CUL3: variants seen among roughly 807,000 people sequenced by gnomAD.
CUL3 encodes cullin-3.
CUL3 carries 19 observed loss-of-function variants against 89.1 expected under a neutral mutation model. That is an observed-to-expected ratio of 0.21 (90% CI 0.15 to 0.31). The LOEUF (loss-of-function observed/expected upper bound fraction) is 0.31, where lower values mean the gene tolerates loss of function less well. Among genes scored for constraint, CUL3 ranks in the 10% least tolerant of loss-of-function variants. CUL3 has a pLI of 1.00. For missense variants in CUL3, 469 were observed against 942.3 expected (o/e 0.50, Z 6.58); for synonymous variants, 351 against 308.4 (o/e 1.14, Z -1.45).
intron 1 of CUL3, among the ~76,000 whole-genome samples, chr2:224,558,492 C>T (rs1361380026): frequency 6.6e-6 from 1 of 152,140 alleles, no homozygotes; most frequent in Non-Finnish European, 1.5e-5. Context: ...CATATTCACA[C>T]ACCAACCGAC....
intron 14 of CUL3, chr2:224,478,808 T>A (rs370438335): frequency 2.0e-5 from 3 of 153,500 alleles, no homozygotes; most frequent in African/African-American, 2.4e-5. Flanking sequence ...GAGACAAGAG[T>A]ATGTACTGCC....
At chr2:224,551,528 A>G (rs1694518001) in intron 2 of CUL3, among the ~76,000 whole-genome samples, 1 of 143,816 alleles carries the variant, frequency 7.0e-6, no homozygotes, top group African/African-American at 2.6e-5. Flanking sequence ...TTTTTTGTAG[A>G]GACAAGGTCT....
rs746157098 is a variant in CUL3, at chr2:224,478,188, AAG to A, written c.2175+10_2175+11del. The A allele has an allele frequency of 3.4e-5, 54 of 1,602,088 alleles. 1 individual carries two copies. The highest frequency in any genetic ancestry group is 4.2e-5 in the Non-Finnish European group (49 of 1,173,358). On this transcript the variant is annotated intron_variant, in intron 15 of 15. Transcript: ENST00000264414. The stretch of plus-strand genomic sequence containing the variant: ...TTTTTTCTATATTAGCCCAGTAGTG[AAG>A]AGTCCTCACCTCCGCTACTAGAACA...
chr2:224,473,687 G>T lies in CUL3; in HGVS notation c.*558C>A, dbSNP rs115972743. On this transcript the variant is annotated 3_prime_UTR_variant, in exon 16 of 16. Transcript: ENST00000264414. ...TCATAAGGCTAGAAGATGAGTAAGT[G>T]CAAGTGGTAGAATACAGCATGCTCA... is the stretch of plus-strand genomic sequence containing the variant. The T allele has an allele frequency of 5.4e-6, 1 of 184,050 alleles. No individual in the cohort carries two copies. Among genetic ancestry groups the T allele is most frequent in the African/African-American group, 2.3e-5 (1 of 42,574 alleles). The allele number at this position is 184,050 out of a possible 1,614,324, so 11.4% of individuals were successfully genotyped here. A position where few individuals can be genotyped will look rare whatever the true frequency, so the allele number is the denominator to read the frequency against.
chr2:224,483,631 C>A (rs1691611330), intron 13 of CUL3, among the ~76,000 whole-genome samples: 1 of 152,144 alleles, frequency 6.6e-6, no homozygotes, highest in Admixed American at 6.5e-5. Flanking sequence ...CATGAACGTA[C>A]ACGAACACAT....
At chr2:224,559,463 A>AG (rs924523644) in intron 1 of CUL3, among the ~76,000 whole-genome samples, 1 of 151,988 alleles carries the variant, frequency 6.6e-6, no homozygotes, top group African/African-American at 2.4e-5. Context: ...AAAAAAAAAA[A>AG]AAAAAAAAAA....
intron 4 of CUL3, 97 bp from the exon 5 acceptor site, chr2:224,513,735 T>C (rs1692928070): frequency 2.5e-6 from 2 of 814,452 alleles, no homozygotes; most frequent in South Asian, 3.7e-5. Context: ...CTTCAGGACA[T>C]TTAACTCTTA....
Position 224,535,595 on chromosome 2 carries a change from G to T in CUL3, c.311C>A (p.Thr104Lys), listed in dbSNP as rs768929186. Residue 104 changes from threonine to lysine, a missense_variant, in exon 3 of 16, where the codon ACG becomes AAG. Thr to Lys is a moderately conservative substitution (Grantham distance 78). Coordinates refer to ENST00000264414, the MANE Select transcript of CUL3 (RefSeq NM_003590.5). ...ATGATCATTCCAAGCTTGATTTAGC[G>T]TTTGAAGAAAGTTGTTATTCAATGA... The part of the protein sequence containing the change: ...LNSLNNNFLQ[T>K]LNQAWNDHQT... 2 of 1,613,052 alleles carry T rather than the reference G, an allele frequency of 1.2e-6. No individual in the cohort carries two copies. Among genetic ancestry groups the T allele is most frequent in the Non-Finnish European group, 1.7e-6 (2 of 1,179,476 alleles).
intron 11 of CUL3, chr2:224,499,979 G>C (rs1012084534): frequency 1.3e-5 from 2 of 157,090 alleles, no homozygotes; most frequent in African/African-American, 4.8e-5. Flanking sequence ...GAGACTCTGA[G>C]TACTAGTGGG....
chr2:224,510,841 T>TAA (rs1185655311), intron 6 of CUL3, among the ~76,000 whole-genome samples: 2 of 152,234 alleles, frequency 1.3e-5, no homozygotes, highest in Non-Finnish European at 2.9e-5. Flanking sequence ...TTCTGTAACT[T>TAA]CAGTGTTCCC....
At position 224,503,817 on chromosome 2, in the gene CUL3, T is replaced by A; in HGVS notation, c.1212A>T (p.Thr404=). ...DKLKKGVKGL[T]EQEVETILDK... ...CCAATATTGTTTCTACTTCTTGTTCTGTTAGCTGCAAAATTAAGATGATGT... is the reference window on the plus strand; with the variant it reads ...CCAATATTGTTTCTACTTCTTGTTCAGTTAGCTGCAAAATTAAGATGATGT... Residue 404 remains threonine, a synonymous_variant, in exon 9 of 16, where the codon ACA becomes ACT. Transcript: ENST00000264414. 2 of 1,548,634 alleles carry A rather than the reference T, an allele frequency of 1.3e-6. No individual in the cohort carries two copies. Among genetic ancestry groups the A allele is most frequent in the Non-Finnish European group, 1.7e-6 (2 of 1,152,006 alleles).
At chr2:224,580,661 G>GCGA (rs1362350220) in intron 1 of CUL3, among the ~76,000 whole-genome samples, 1 of 152,002 alleles carries the variant, frequency 6.6e-6, no homozygotes, top group Non-Finnish European at 1.5e-5. Context: ...TCTAGCCTGG[G>GCGA]CGACAGAGCA....
At chr2:224,500,740 C>T (rs1168156615) in intron 10 of CUL3, among the ~76,000 whole-genome samples, 1 of 151,614 alleles carries the variant, frequency 6.6e-6, no homozygotes, top group Admixed American at 6.6e-5. Context: ...ATTCTCCTGC[C>T]TCAGCTTCCC....
At chr2:224,476,057 T>A (rs1321522360) in intron 15 of CUL3, among the ~76,000 whole-genome samples, 1 of 151,912 alleles carries the variant, frequency 6.6e-6, no homozygotes, top group African/African-American at 2.4e-5. Flanking sequence ...GGAGTCTCGC[T>A]CTGTCGCCCA....
At chr2:224,575,283 AG>A (rs1399612379) in intron 1 of CUL3, among the ~76,000 whole-genome samples, 1 of 152,230 alleles carries the variant, frequency 6.6e-6, no homozygotes, top group Non-Finnish European at 1.5e-5. Context: ...GAAGCTGACC[AG>A]GGACATAAAG....
chr2:224,485,551 CCT>C lies in CUL3; in HGVS notation c.1843-3475_1843-3474del, dbSNP rs1559339563. Among the ~76,000 whole-genome samples, 1 of 152,196 alleles carries C rather than the reference CCT, an allele frequency of 6.6e-6. No individual in the cohort carries two copies. The highest frequency in any genetic ancestry group is 1.5e-5 in the Non-Finnish European group (1 of 68,036). On this transcript the variant is annotated intron_variant, in intron 13 of 15. Coordinates refer to ENST00000264414, the MANE Select transcript of CUL3 (RefSeq NM_003590.5). The surrounding 1 kb of genome is among the most constrained non-coding windows in gnomAD (Gnocchi z 4.1). ...TGGCAAAGCTGCTGTGGCCAAACTG[CCT>C]CTCTAGATTCCTCTTGACTGGGCAG...
At chr2:224,528,426 A>G (rs139180752) in intron 3 of CUL3, among the ~76,000 whole-genome samples, 152 of 152,300 alleles carry the variant, frequency 1.0e-3, no homozygotes, top group Non-Finnish European at 1.8e-3. Context: ...AGCCCAGGAT[A>G]ATCTCATCTA....
At chr2:224,553,861 G>C (rs1023143526) in intron 2 of CUL3, among the ~76,000 whole-genome samples, 1 of 152,120 alleles carries the variant, frequency 6.6e-6, no homozygotes, top group South Asian at 2.1e-4. Context: ...CTGGTTTATG[G>C]GATTTGTTAC....
chr2:224,481,792 C>G, intron 14 of CUL3, 100 bp downstream of exon 14: 1 of 778,802 alleles, frequency 1.3e-6, no homozygotes, highest in Non-Finnish European at 1.9e-6. Flanking sequence ...CATGCAGCAC[C>G]AGAAAAGGAG....
Sources: gnomAD v4.1 joint callset for allele counts (sites outside exome capture counted in the v4.1 genomes callset) on GRCh38, gnomAD v4.1.1 for gene constraint, Gnocchi (gnomAD v3.1) non-coding constraint, MANE v1.5 for transcripts, NCBI Gene and HGNC (gene_info 2026-07-23, HGNC 2026-07-21) for gene names.